ETV7: variants seen among roughly 807,000 people sequenced by gnomAD.
ETV7 encodes the protein transcription factor ETV7.
In ETV7, 43 loss-of-function variants were observed where a neutral mutation model predicts 39.1. That is an observed-to-expected ratio of 1.10 (90% CI 0.86 to 1.42). The LOEUF is 1.42. Ranked by LOEUF, ETV7 falls within the 40% of genes most tolerant of loss-of-function variation. ETV7 has a pLI of 0.00. For missense variants in ETV7, 432 were observed against 442.3 expected (o/e 0.98, Z 0.21); for synonymous variants, 196 against 176.6 (o/e 1.11, Z -0.87).
chr6:36,366,637 C>T lies in ETV7; in HGVS notation c.*8G>A. 1 of 1,614,154 alleles carries T rather than the reference C, an allele frequency of 6.2e-7. No homozygotes were observed. The highest frequency in any genetic ancestry group is 8.5e-7 in the Non-Finnish European group (1 of 1,180,020). The stretch of plus-strand genomic sequence containing the variant: ...ATCGGTACCGGGTGCCTGGAGTCCA[C>T]CTGCCCCTCACGGAGAGATTTCTGG... On this transcript the variant is annotated 3_prime_UTR_variant, in exon 8 of 8. Coordinates refer to ENST00000340181, the MANE Select transcript of ETV7 (RefSeq NM_016135.4).
At chr6:36,377,137 C>A (rs1470447497) in intron 2 of ETV7, among the ~76,000 whole-genome samples, 1 of 152,124 alleles carries the variant, frequency 6.6e-6, no homozygotes, top group Admixed American at 6.5e-5. Flanking sequence ...CTTCATGAGC[C>A]CTTGACACAT....
intron 2 of ETV7, among the ~76,000 whole-genome samples, chr6:36,378,829 G>A (rs890031032): frequency 4.6e-5 from 7 of 152,178 alleles, no homozygotes; most frequent in African/African-American, 1.7e-4. Context: ...AAATGTCCCC[G>A]GGGGGAAAGG....
At chr6:36,355,701 C>A (rs897851573) in intron 7 of ETV7, among the ~76,000 whole-genome samples, 3 of 152,208 alleles carry the variant, frequency 2.0e-5, no homozygotes, top group Non-Finnish European at 4.4e-5. Context: ...GTGTGAGCCA[C>A]CGCACCCAGC....
At chr6:36,384,940 A>C (rs1468183388) in intron 2 of ETV7, among the ~76,000 whole-genome samples, 1 of 152,132 alleles carries the variant, frequency 6.6e-6, no homozygotes, top group Admixed American at 6.5e-5. Flanking sequence ...AGGGAAGGTA[A>C]GTTAATCTTG....
In ETV7 at chr6:36,366,547, C is replaced by T; in HGVS notation, c.*98G>A. Reference sequence around the variant, plus strand: ...GTAATCCTGTGGGTACAGAGTCTGGCTGGGGATCCTGCTGCTCTGCTGGGA... The same window carrying T: ...GTAATCCTGTGGGTACAGAGTCTGGTTGGGGATCCTGCTGCTCTGCTGGGA... On this transcript the variant is annotated 3_prime_UTR_variant, in exon 8 of 8. Transcript: ENST00000340181. 6.3e-7 allele frequency: 1 copy of T among 1,585,556 alleles called. No individual in the cohort carries two copies. Among genetic ancestry groups the T allele is most frequent in the South Asian group, 1.1e-5 (1 of 87,130 alleles).
chr6:36,354,757 A>G (rs532804176), intron 7 of ETV7: 2 of 662,602 alleles, frequency 3.0e-6, no homozygotes, highest in South Asian at 3.3e-5. Context: ...CAATTTAGGG[A>G]GTATTGCCAT....
chr6:36,355,821 T>TG (rs1405887625), intron 7 of ETV7, among the ~76,000 whole-genome samples: 1 of 152,242 alleles, frequency 6.6e-6, no homozygotes, highest in Non-Finnish European at 1.5e-5. Flanking sequence ...CGATTGATCC[T>TG]GGGAATATTT....
rs149881845 is a variant in ETV7, at chr6:36,375,950, C to T, written c.228G>A (p.Ala76=). The T allele has an allele frequency of 2.5e-4, 401 of 1,613,686 alleles. No homozygotes were observed. Among genetic ancestry groups the T allele is most frequent in the African/African-American group, 3.1e-4 (23 of 75,056 alleles). ...AEQEYSLPCT[A]EHGFEMNGRA... ...GTCCGTTCATCTCGAACCCGTGCTC[C>T]GCGGTGCATGGCAGAGAGTACTCCT... Residue 76 remains alanine, a synonymous_variant, in exon 3 of 8, where the codon GCG becomes GCA. Coordinates refer to ENST00000340181, the MANE Select transcript of ETV7 (RefSeq NM_016135.4).
chr6:36,383,966 A>C (rs1290889128), intron 2 of ETV7, among the ~76,000 whole-genome samples: 2 of 152,166 alleles, frequency 1.3e-5, no homozygotes, highest in Non-Finnish European at 2.9e-5. Context: ...CCCCTTAGCC[A>C]GTGTACAGGG....
Position 36,387,625 on chromosome 6 carries a change from C to A in ETV7, c.-84G>T. 6.6e-7 allele frequency: 1 copy of A among 1,505,048 alleles called. No individual in the cohort carries two copies. Among genetic ancestry groups the A allele is most frequent in the Non-Finnish European group, 9.2e-7 (1 of 1,088,538 alleles). 93.2% of individuals were successfully genotyped at this position (1,505,048 alleles called of 1,614,324 possible). On this transcript the variant is annotated 5_prime_UTR_variant, in exon 1 of 8. Coordinates refer to ENST00000340181, the MANE Select transcript of ETV7 (RefSeq NM_016135.4). Reference sequence around the variant, plus strand: ...CTGCTGGGGCCCTAGGCCCGCGCCCCGCAGTCCTCCTCCGCCAAACCCCTA... The same window carrying A: ...CTGCTGGGGCCCTAGGCCCGCGCCCAGCAGTCCTCCTCCGCCAAACCCCTA...
intron 6 of ETV7, among the ~76,000 whole-genome samples, chr6:36,368,405 T>C (rs1438750163): frequency 6.6e-6 from 1 of 152,250 alleles, no homozygotes; most frequent in Non-Finnish European, 1.5e-5. Flanking sequence ...CTGTAAATCA[T>C]GAGATGGTCA....
intron 7 of ETV7, among the ~76,000 whole-genome samples, chr6:36,360,689 G>A (rs1263527702): frequency 2.0e-5 from 3 of 152,134 alleles, no homozygotes; most frequent in Non-Finnish European, 4.4e-5. Flanking sequence ...TAGTGGACAT[G>A]GTTTTAAACT....
At chr6:36,380,683 A>G (rs1227206608) in intron 2 of ETV7, among the ~76,000 whole-genome samples, 1 of 152,146 alleles carries the variant, frequency 6.6e-6, no homozygotes, top group Non-Finnish European at 1.5e-5. Context: ...TGAATCCCCA[A>G]CTAGAATGTA....
At chr6:36,376,764 A>T (rs1361550375) in intron 2 of ETV7, among the ~76,000 whole-genome samples, 4 of 145,788 alleles carry the variant, frequency 2.7e-5, no homozygotes, top group Admixed American at 1.4e-4. Flanking sequence ...CGACAGAGCG[A>T]GACTCCCTCT....
At position 36,385,645 on chromosome 6, in the gene ETV7, T is replaced by C; in HGVS notation, c.31A>G (p.Ile11Val). MQEGELAISPISPVAAMPPLG... is the reference protein window; with the variant it reads MQEGELAISPVSPVAAMPPLG... Reference sequence around the variant, plus strand: ...GGAGGCATGGCTGCCACAGGGCTTATAGGAGAAATAGCCAATTCTCCCTCC... The same window carrying C: ...GGAGGCATGGCTGCCACAGGGCTTACAGGAGAAATAGCCAATTCTCCCTCC... Residue 11 changes from isoleucine to valine, a missense_variant, in exon 2 of 8, where the codon ATA (isoleucine) becomes GTA (valine). Physicochemically the swap from Ile to Val is conservative, Grantham distance 29. Coordinates refer to ENST00000340181, the MANE Select transcript of ETV7 (RefSeq NM_016135.4). 1 of 1,613,370 alleles carries C rather than the reference T, an allele frequency of 6.2e-7. No individual in the cohort carries two copies. The highest frequency in any genetic ancestry group is 8.5e-7 in the Non-Finnish European group (1 of 1,179,658).
downstream of ETV7, among the ~76,000 whole-genome samples, chr6:36,363,198 G>C (rs778397012): frequency 1.3e-5 from 2 of 152,258 alleles, no homozygotes; most frequent in Non-Finnish European, 2.9e-5. Flanking sequence ...GGACCCTCGC[G>C]GTGAGTCTTA....
Position 36,375,823 on chromosome 6 carries a change from GGCCTACCAGGGTTCCCGCTTAGAGGAAA to G in ETV7, c.307+20_307+47del. The G allele has an allele frequency of 6.2e-7, 1 of 1,612,370 alleles. No homozygotes were observed. Among genetic ancestry groups the G allele is most frequent in the Non-Finnish European group, 8.5e-7 (1 of 1,179,888 alleles). On this transcript the variant is annotated intron_variant, in intron 3 of 7. Transcript: ENST00000340181. ...CCCCCGGGGGTACTTGGGCCATCCT[GGCCTACCAGGGTTCCCGCTTAGAGGAAA>G]GCCTGTGCGTTTCCCTGACCTGAGC...
intron 3 of ETV7, among the ~76,000 whole-genome samples, chr6:36,374,527 G>A (rs1322799624): frequency 1.3e-5 from 2 of 152,178 alleles, no homozygotes; most frequent in East Asian, 3.8e-4. Context: ...GTGGGCACTC[G>A]AGGACCAGGA....
intron 7 of ETV7, among the ~76,000 whole-genome samples, chr6:36,358,163 T>TGAC: frequency 6.6e-6 from 1 of 152,236 alleles, no homozygotes; most frequent in South Asian, 2.1e-4. Context: ...TAGCTGCAGA[T>TGAC]GACGTAGGGC....
Sources: gnomAD v4.1 joint callset for allele counts (sites outside exome capture counted in the v4.1 genomes callset) on GRCh38, gnomAD v4.1.1 for gene constraint, MANE v1.5 for transcripts, NCBI Gene and HGNC (gene_info 2026-07-23, HGNC 2026-07-21) for gene names.